Variants in CFAP46 observed in about 807,000 individuals in gnomAD.
CFAP46 encodes the protein cilia- and flagella-associated protein 46.
In CFAP46, 245 loss-of-function variants were observed where a neutral mutation model predicts 325.7. The observed-to-expected ratio is 0.75, with a 90% CI of 0.68 to 0.84. The LOEUF (loss-of-function observed/expected upper bound fraction) is 0.84. Ranked by LOEUF, CFAP46 falls within the 40% of genes least tolerant of loss-of-function variation. The pLI is 0.00. For synonymous variants in CFAP46, 1,523 were observed against 1,495.9 expected, an observed-to-expected ratio of 1.02 and a Z score of -0.42; for missense variants, 3,346 against 3,543.0, an observed-to-expected ratio of 0.94 and a Z score of 1.41.
intron 44 of CFAP46, among the ~76,000 whole-genome samples, chr10:132,845,173 C>T (rs1848413728): frequency 1.3e-5 from 2 of 152,262 alleles, no homozygotes. Context: ...GGCGCAGGGC[C>T]AGGCTGTGCC....
rs1342855930 is a variant in CFAP46, at chr10:132,859,130, G to A, written c.5316C>T (p.Ile1772=). Residue 1772 remains isoleucine (I), a synonymous_variant, in exon 38 of 58, where the codon ATC becomes ATT. Coordinates refer to ENST00000368586, the MANE Select transcript of CFAP46 (RefSeq NM_001200049.3). The stretch of plus-strand genomic sequence containing the variant: ...CACAATTCTCTTTGCAGCCACAGTC[G>A]ATAAACTTTCTCTCAATTTCCAACA... ...DGLLEIERKF[I]DCGCKENCVD... 7.7e-6 allele frequency: 12 copies of A among 1,550,906 alleles called. No homozygotes were observed. Among genetic ancestry groups the A allele is most frequent in the African/African-American group, 2.7e-5 (2 of 73,024 alleles).
chr10:132,808,416 A>AAC lies in CFAP46; in HGVS notation c.*3_*4dup, dbSNP rs777872068. 1 of 1,597,602 alleles carries AAC rather than the reference A, an allele frequency of 6.3e-7. No homozygotes were observed. Among genetic ancestry groups the AAC allele is most frequent in the Admixed American group, 1.7e-5 (1 of 59,456 alleles). On this transcript the variant is annotated 3_prime_UTR_variant, in exon 58 of 58. Transcript: ENST00000368586. The surrounding 1 kb of genome is among the most constrained non-coding windows in gnomAD (Gnocchi z 6.8). ...CTGGCTTTTGTTGTTTGTTTAGTGGAACACTCAAATCAAAAACAGGCTCAC... is the reference window on the plus strand; with the variant it reads ...CTGGCTTTTGTTGTTTGTTTAGTGGAACACACTCAAATCAAAAACAGGCTCAC...
intron 43 of CFAP46, among the ~76,000 whole-genome samples, chr10:132,846,488 A>C (rs529479245): frequency 6.6e-6 from 1 of 150,586 alleles, no homozygotes; most frequent in African/African-American, 2.5e-5. Context: ...TGTCTGCCCA[A>C]TCCTCTGTGG....
At chr10:132,820,319 AGAGT>A (rs2134816925) in intron 50 of CFAP46, among the ~76,000 whole-genome samples, 1 of 152,378 alleles carries the variant, frequency 6.6e-6, no homozygotes, top group East Asian at 1.9e-4. Context: ...TCACAGAAGC[AGAGT>A]GAGTGGTGGC....
In CFAP46 at chr10:132,860,935, T is replaced by G; in HGVS notation, c.4938A>C (p.Ala1646=). Residue 1646 remains alanine, a synonymous_variant, in exon 36 of 58, where the codon GCA becomes GCC. Transcript: ENST00000368586. ...AGTTTTTCTCCTTGTTGGCCAACTG[T>G]GCGAGGAGGAGCAGGCACTGGGCCT... ...CAEAQCLLLL[A]QLANKEKNYG... is the part of the protein sequence containing the mutation. 1 of 1,550,676 alleles carries G rather than the reference T, an allele frequency of 6.4e-7. No individual in the cohort carries two copies. The highest frequency in any genetic ancestry group is 1.2e-5 in the South Asian group (1 of 84,066).
At chr10:132,928,562 C>T (rs1302713079) in intron 9 of CFAP46, among the ~76,000 whole-genome samples, 1 of 152,076 alleles carries the variant, frequency 6.6e-6, no homozygotes, top group African/African-American at 2.4e-5. Flanking sequence ...CTGGACGGCT[C>T]CCCCCGTGCT....
chr10:132,924,834 C>A lies in CFAP46; in HGVS notation c.1118G>T (p.Arg373Leu). The stretch of plus-strand genomic sequence containing the variant: ...GTGGATGACCCGGGGGTCGCCCAGG[C>A]GCACGGCTCGCTGCAGCGCGACGTC... ...RLDVALQRAV[R>L]LGDPRVIHVV... Residue 373 changes from arginine to leucine, a missense_variant, in exon 11 of 58, where the codon CGC becomes CTC. Coordinates refer to ENST00000368586, the MANE Select transcript of CFAP46 (RefSeq NM_001200049.3). 6.9e-7 allele frequency: 1 copy of A among 1,444,586 alleles called. No homozygotes were observed. Among genetic ancestry groups the A allele is most frequent in the South Asian group, 1.4e-5 (1 of 71,104 alleles). The allele number at this position is 1,444,586 out of a possible 1,614,324, so 89.5% of individuals were successfully genotyped here.
Position 132,924,880 on chromosome 10 carries a change from G to C in CFAP46, c.1072C>G (p.Leu358Val), listed in dbSNP as rs1340010804. 1.4e-6 allele frequency: 2 copies of C among 1,384,914 alleles called. No individual in the cohort carries two copies. The highest frequency in any genetic ancestry group is 3.0e-5 in the East Asian group (1 of 33,402). 85.8% of individuals were successfully genotyped at this position (1,384,914 alleles called of 1,614,324 possible). Reference sequence around the variant, plus strand: ...ACGTCTAGCCTCTGTATGATATCCAGCTGGGCCTGCGGAGAAGACGTGGGG... The same window carrying C: ...ACGTCTAGCCTCTGTATGATATCCACCTGGGCCTGCGGAGAAGACGTGGGG... ...VYNRAAVEAQ[L>V]DIIQRLDVAL... The change falls in exon 11 of 58, where the codon CTG becomes GTG. Residue 358 changes from leucine to valine, a missense_variant. Leu to Val is a conservative substitution (Grantham distance 32, BLOSUM62 1). Transcript: ENST00000368586.
At position 132,859,138 on chromosome 10, in the gene CFAP46, T is replaced by G. The variant is rs1407642303; in HGVS notation, c.5308A>C (p.Lys1770Gln). Residue 1770 changes from lysine (K) to glutamine (Q), a missense_variant, in exon 38 of 58, where the codon AAG becomes CAG. Coordinates refer to ENST00000368586, the MANE Select transcript of CFAP46 (RefSeq NM_001200049.3). The part of the protein sequence containing the change: ...MDDGLLEIER[K>Q]FIDCGCKENC... ...TCTTTGCAGCCACAGTCGATAAACTTTCTCTCAATTTCCAACAGGCCATCA... is the reference window on the plus strand; with the variant it reads ...TCTTTGCAGCCACAGTCGATAAACTGTCTCTCAATTTCCAACAGGCCATCA... The G allele has an allele frequency of 1.7e-5, 26 of 1,550,866 alleles. No homozygotes were observed. The highest frequency in any genetic ancestry group is 2.0e-5 in the Non-Finnish European group (23 of 1,147,094).
chr10:132,928,491 C>A (rs367912973), intron 9 of CFAP46, among the ~76,000 whole-genome samples: 1 of 152,234 alleles, frequency 6.6e-6, no homozygotes, highest in Non-Finnish European at 1.5e-5. Flanking sequence ...GCTGTCAAGG[C>A]CACGTGAACT....
At chr10:132,843,698 G>T (rs1275763678) in intron 44 of CFAP46, among the ~76,000 whole-genome samples, 6 of 147,104 alleles carry the variant, frequency 4.1e-5, no homozygotes, top group African/African-American at 1.0e-4. Context: ...TGCTGCTGGT[G>T]GGTGTTCCCA....
intron 32 of CFAP46, among the ~76,000 whole-genome samples, chr10:132,871,257 T>C (rs183299691): frequency 2.6e-5 from 4 of 152,332 alleles, no homozygotes; most frequent in East Asian, 3.9e-4. Context: ...CACGGAGACA[T>C]ACAAGGAGAC....
chr10:132,940,087 C>T (rs1054358209), intron 4 of CFAP46, among the ~76,000 whole-genome samples: 16 of 152,200 alleles, frequency 1.1e-4, no homozygotes, highest in Middle Eastern at 3.4e-3. Context: ...TCTTTAGAAT[C>T]TGTGGCTTGA....
In CFAP46 at chr10:132,932,637, A is replaced by C. The variant is rs370735052; in HGVS notation, c.866+2115T>G. On this transcript the variant is annotated intron_variant, in intron 8 of 57. Coordinates refer to ENST00000368586, the MANE Select transcript of CFAP46 (RefSeq NM_001200049.3). ...GAGCCTGGGCTTCCCCACGCTCCCCACACAGAGCCTGGGCCTTCCTACCAT... is the reference window on the plus strand; with the variant it reads ...GAGCCTGGGCTTCCCCACGCTCCCCCCACAGAGCCTGGGCCTTCCTACCAT... 1.4e-3 allele frequency among the ~76,000 whole-genome samples: 219 copies of C among 152,272 alleles called. 1 individual carries two copies. The highest frequency in any genetic ancestry group is 5.2e-3 in the African/African-American group (216 of 41,548).
intron 50 of CFAP46, among the ~76,000 whole-genome samples, chr10:132,824,991 GTGTGTGCTGA>G (rs1199954546): frequency 3.8e-4 from 52 of 137,516 alleles, no homozygotes; most frequent in African/African-American, 5.6e-4. Context: ...GATGTGTGCT[GTGTGTGCTGA>G]TGTGTGCTGA....
At position 132,938,662 on chromosome 10, in the gene CFAP46, TG is replaced by T. The variant is rs1330842083; in HGVS notation, c.462del (p.Ser155AlafsTer6). On this transcript the variant is annotated frameshift_variant, in exon 5 of 58. Transcript: ENST00000368586. LOFTEE classifies it high-confidence loss of function. The stretch of plus-strand genomic sequence containing the variant: ...AGCACGTTTATGATTTGGGAAAGGC[TG>T]GGGATCAGATGGTGACGATATCCAG... ...LKPGYRHHLIPSLSQIINVLS... is the reference protein window; with the variant it reads ...LKPGYRHHLIXSLSQIINVLS... 6.2e-7 allele frequency: 1 copy of T among 1,613,722 alleles called. No individual in the cohort carries two copies. Among genetic ancestry groups the T allele is most frequent in the Non-Finnish European group, 8.5e-7 (1 of 1,179,984 alleles).
intron 24 of CFAP46, among the ~76,000 whole-genome samples, chr10:132,897,478 G>A (rs1053304204): frequency 1.3e-5 from 2 of 152,242 alleles, no homozygotes; most frequent in South Asian, 4.1e-4. Context: ...CCGCAGGTTG[G>A]TAGGAACCGC....
At chr10:132,822,396 G>GT in intron 50 of CFAP46, among the ~76,000 whole-genome samples, 1 of 141,952 alleles carries the variant, frequency 7.0e-6, no homozygotes, top group Non-Finnish European at 1.5e-5. Context: ...GATGTGTGCT[G>GT]ATGTGTGCAC....
chr10:132,899,227 C>T (rs953601253), intron 23 of CFAP46, 106 bp from the exon 24 acceptor site: 4 of 1,254,892 alleles, frequency 3.2e-6, no homozygotes, highest in East Asian at 2.5e-5. Flanking sequence ...GCCACACGCT[C>T]GCTCCCTCCT....
Sources: gnomAD v4.1 joint callset for allele counts (sites outside exome capture counted in the v4.1 genomes callset) on GRCh38, gnomAD v4.1.1 for gene constraint, Gnocchi (gnomAD v3.1) non-coding constraint, MANE v1.5 for transcripts, NCBI Gene and HGNC (gene_info 2026-07-23, HGNC 2026-07-21) for gene names.